The following GRID1 variants were observed in gnomAD, a reference collection of about 807,000 sequenced individuals.
GRID1 encodes glutamate ionotropic receptor delta type subunit 1.
In GRID1, 28 loss-of-function variants were observed where a neutral mutation model predicts 98.0. The ratio of observed to expected loss-of-function variants is 0.29; its 90% CI spans 0.21 to 0.39. GRID1 has a LOEUF of 0.39. Among genes scored for constraint, GRID1 ranks in the 10% least tolerant of loss-of-function variants. The probability of loss-of-function intolerance (pLI) is 1.00; values close to 1 mark genes in which losing one functional copy is unlikely to be tolerated. For synonymous variants in GRID1, 553 were observed against 538.5 expected (o/e 1.03, Z -0.37); for missense variants, 1,111 against 1,340.5 (o/e 0.83, Z 2.67).
At chr10:86,051,972 A>C (rs1426181715) in intron 4 of GRID1, among the ~76,000 whole-genome samples, 3 of 152,216 alleles carry the variant, frequency 2.0e-5, no homozygotes, top group Non-Finnish European at 2.9e-5. Flanking sequence ...AAAAATGCAA[A>C]CTGACCTAAT....
intron 8 of GRID1, among the ~76,000 whole-genome samples, chr10:85,827,762 T>C (rs1842832729): frequency 6.6e-6 from 1 of 151,186 alleles, no homozygotes; most frequent in Non-Finnish European, 1.5e-5. Context: ...TCTAAATATA[T>C]ATGCATCAAA....
intron 5 of GRID1, among the ~76,000 whole-genome samples, chr10:85,873,497 C>T (rs1439695264): frequency 2.0e-5 from 3 of 152,150 alleles, no homozygotes; most frequent in South Asian, 2.1e-4. Flanking sequence ...TATGTACAAA[C>T]ATTACATACA....
At chr10:85,888,163 T>C (rs1402514950) in intron 5 of GRID1, among the ~76,000 whole-genome samples, 6 of 152,232 alleles carry the variant, frequency 3.9e-5, no homozygotes, top group Non-Finnish European at 8.8e-5. Flanking sequence ...CCTTTGTTTG[T>C]ATAAATGACG....
At chr10:85,966,204 G>A (rs1011279583) in intron 4 of GRID1, among the ~76,000 whole-genome samples, 6 of 152,162 alleles carry the variant, frequency 3.9e-5, no homozygotes, top group African/African-American at 1.2e-4. Flanking sequence ...CAATTGTTTA[G>A]CATCACAAAT....
intron 4 of GRID1, among the ~76,000 whole-genome samples, chr10:86,127,207 A>G (rs1415322815): frequency 2.6e-5 from 4 of 152,124 alleles, no homozygotes; most frequent in Non-Finnish European, 2.9e-5. Context: ...TCTCTAGTGT[A>G]GTCTGGCGGT....
At chr10:85,643,459 C>T (rs1010057749) in intron 13 of GRID1, among the ~76,000 whole-genome samples, 1 of 152,158 alleles carries the variant, frequency 6.6e-6, no homozygotes, top group Non-Finnish European at 1.5e-5. Flanking sequence ...CTCAGGGATT[C>T]ACAAGGTTAC....
At chr10:85,724,313 C>G in intron 11 of GRID1, 39 bp downstream of exon 11, 1 of 1,526,956 alleles carries the variant, frequency 6.5e-7, no homozygotes, top group Non-Finnish European at 9.0e-7. Flanking sequence ...TCTTCCAGGC[C>G]CCTAGAGCTA....
intron 12 of GRID1, among the ~76,000 whole-genome samples, chr10:85,702,633 G>C (rs1400081080): frequency 2.6e-5 from 4 of 151,962 alleles, no homozygotes; most frequent in Admixed American, 2.0e-4. Context: ...TTTTTAAGTT[G>C]AAAGACATTA....
At chr10:85,750,312 T>C (rs1367718085) in intron 8 of GRID1, among the ~76,000 whole-genome samples, 1 of 152,112 alleles carries the variant, frequency 6.6e-6, no homozygotes, top group East Asian at 1.9e-4. Flanking sequence ...TTCTGACCCA[T>C]CACCAGGGAA....
chr10:86,170,569 C>A lies in GRID1; in HGVS notation c.521-31545G>T, dbSNP rs148022182. 1.9e-3 allele frequency among the ~76,000 whole-genome samples: 292 copies of A among 152,332 alleles called. 2 individuals are homozygous for A. The highest frequency in any genetic ancestry group is 6.6e-3 in the African/African-American group (273 of 41,566). On this transcript the variant is annotated intron_variant, in intron 3 of 15. Coordinates refer to ENST00000327946, the MANE Select transcript of GRID1 (RefSeq NM_017551.3). ...TCTTTAGGAGGGTCCCCACTTTGCT[C>A]CCCAAGGGACCAGTGAACCACAAAG...
At chr10:85,939,380 G>T (rs1379095396) in intron 4 of GRID1, among the ~76,000 whole-genome samples, 3 of 152,184 alleles carry the variant, frequency 2.0e-5, no homozygotes, top group African/African-American at 7.2e-5. Flanking sequence ...TAGTGATTTA[G>T]CAAAAACCTA....
chr10:85,873,276 T>C (rs1843296820), intron 5 of GRID1, among the ~76,000 whole-genome samples: 1 of 152,192 alleles, frequency 6.6e-6, no homozygotes, highest in African/African-American at 2.4e-5. Context: ...GAAAACAAAC[T>C]TTCCCTTTGT....
At chr10:86,358,651 G>T (rs549119958) in intron 2 of GRID1, among the ~76,000 whole-genome samples, 1 of 151,864 alleles carries the variant, frequency 6.6e-6, no homozygotes, top group Non-Finnish European at 1.5e-5. Flanking sequence ...CCAGCTACTC[G>T]GGAGGCTGAG....
At chr10:85,800,183 T>C (rs149409680) in intron 8 of GRID1, among the ~76,000 whole-genome samples, 6 of 151,884 alleles carry the variant, frequency 4.0e-5, no homozygotes, top group African/African-American at 1.4e-4. Context: ...TCTAAAACTC[T>C]ATTAAGTGAG....
At position 86,031,937 on chromosome 10, in the gene GRID1, C is replaced by G. The variant is rs959496170; in HGVS notation, c.726+106882G>C. Among the ~76,000 whole-genome samples, 5 of 152,346 alleles carry G rather than the reference C, an allele frequency of 3.3e-5. No homozygotes were observed. The South Asian group carries it at 8.3e-4, about 25-fold the overall frequency. ...TTCCCCTACGTCCCATTGGTTCACT[C>G]TGTCACCACCTTCAGGCCTCTCAAA... On this transcript the variant is annotated intron_variant, in intron 4 of 15. Coordinates refer to ENST00000327946, the MANE Select transcript of GRID1 (RefSeq NM_017551.3).
At chr10:85,924,142 G>T (rs565350961) in intron 4 of GRID1, among the ~76,000 whole-genome samples, 1 of 152,322 alleles carries the variant, frequency 6.6e-6, no homozygotes, top group East Asian at 1.9e-4. Flanking sequence ...TTCCAGAGCT[G>T]AGTAGAAGGA....
At chr10:86,023,361 C>T (rs570898574) in intron 4 of GRID1, among the ~76,000 whole-genome samples, 1 of 152,290 alleles carries the variant, frequency 6.6e-6, no homozygotes, top group East Asian at 1.9e-4. Context: ...TAAGCCCTTA[C>T]CTCGTTGAAC....
intron 2 of GRID1, among the ~76,000 whole-genome samples, chr10:86,297,618 T>C (rs924133361): frequency 5.9e-5 from 9 of 152,142 alleles, no homozygotes; most frequent in Admixed American, 3.9e-4. Context: ...AATTCAACAA[T>C]ATAAAAAGTA....
At chr10:86,165,148 GAA>G (rs140674947) in intron 3 of GRID1, among the ~76,000 whole-genome samples, 1 of 150,270 alleles carries the variant, frequency 6.7e-6, no homozygotes, top group African/African-American at 2.4e-5. Flanking sequence ...ACCAATAGAG[GAA>G]AAAAAAAATC....
Sources: gnomAD v4.1 joint callset for allele counts (sites outside exome capture counted in the v4.1 genomes callset) on GRCh38, gnomAD v4.1.1 for gene constraint, MANE v1.5 for transcripts, NCBI Gene and HGNC (gene_info 2026-07-23, HGNC 2026-07-21) for gene names.